ARID1B: variants seen among roughly 807,000 people sequenced by gnomAD.
The protein encoded by ARID1B is AT-rich interaction domain 1B, also known as AT-rich interactive domain-containing protein 1B.
A neutral mutation model predicts 212.3 loss-of-function variants in ARID1B; 30 were observed. That is an observed-to-expected ratio of 0.14 (90% confidence interval 0.11 to 0.19). The LOEUF (loss-of-function observed/expected upper bound fraction) is 0.19, where lower values mean the gene tolerates loss of function less well. Ranked by LOEUF, ARID1B falls within the 10% of genes least tolerant of loss-of-function variation. ARID1B has a pLI of 1.00. For synonymous variants in ARID1B, 1,402 were observed against 1,301.7 expected, an observed-to-expected ratio of 1.08 and a Z score of -1.66; for missense variants, 2,891 against 3,204.0, an observed-to-expected ratio of 0.90 and a Z score of 2.36.
intron 2 of ARID1B, among the ~76,000 whole-genome samples, chr6:156,862,013 G>A (rs970096643): frequency 2.6e-5 from 4 of 152,220 alleles, no homozygotes; most frequent in African/African-American, 9.6e-5. Flanking sequence ...GTAGGTGTCA[G>A]TATAGAGTTC....
At chr6:156,881,148 G>A (rs1056239508) in intron 2 of ARID1B, among the ~76,000 whole-genome samples, 2 of 152,162 alleles carry the variant, frequency 1.3e-5, no homozygotes, top group Non-Finnish European at 2.9e-5. Context: ...TTCTCCCTGG[G>A]TGGGGCCTGC....
chr6:157,101,271 A>G (rs978762648), intron 5 of ARID1B, among the ~76,000 whole-genome samples: 2 of 152,216 alleles, frequency 1.3e-5, no homozygotes, highest in Non-Finnish European at 2.9e-5. Flanking sequence ...AAAACCATGA[A>G]CTATGTATTG....
intron 4 of ARID1B, among the ~76,000 whole-genome samples, chr6:156,988,699 T>C (rs1038225065): frequency 6.6e-6 from 1 of 152,182 alleles, no homozygotes; most frequent in African/African-American, 2.4e-5. Flanking sequence ...GGTTTGCCTG[T>C]GTTTCAGGAG....
At chr6:157,097,570 T>C (rs1189630501) in intron 5 of ARID1B, among the ~76,000 whole-genome samples, 1 of 152,142 alleles carries the variant, frequency 6.6e-6, no homozygotes, top group Non-Finnish European at 1.5e-5. Flanking sequence ...CAACCACCCA[T>C]GTTTACAGGC....
chr6:157,180,550 G>A (rs954973987), intron 11 of ARID1B, among the ~76,000 whole-genome samples: 4 of 152,098 alleles, frequency 2.6e-5, no homozygotes, highest in Non-Finnish European at 5.9e-5. Flanking sequence ...AGGAAAAGTA[G>A]GAGTCCATTT....
intron 4 of ARID1B, chr6:157,022,673 C>T (rs1160046883): frequency 6.6e-6 from 1 of 152,192 alleles, no homozygotes; most frequent in Non-Finnish European, 1.5e-5. Context: ...TGGTTTTACA[C>T]TTTTTGTTCA....
chr6:156,790,663 T>TC (rs1779948375), intron 1 of ARID1B, among the ~76,000 whole-genome samples: 1 of 152,220 alleles, frequency 6.6e-6, no homozygotes, highest in Non-Finnish European at 1.5e-5. Flanking sequence ...ATCATCCCTT[T>TC]CCCCCCATCT....
At chr6:156,963,722 C>A (rs1444460732) in intron 4 of ARID1B, among the ~76,000 whole-genome samples, 1 of 152,032 alleles carries the variant, frequency 6.6e-6, no homozygotes, top group African/African-American at 2.4e-5. Context: ...TCAAATAAAT[C>A]TCCTGAAACC....
chr6:157,139,989 G>T (rs1789224712), intron 7 of ARID1B, among the ~76,000 whole-genome samples: 1 of 151,918 alleles, frequency 6.6e-6, no homozygotes, highest in Admixed American at 6.6e-5. Flanking sequence ...CTCCCAAAGT[G>T]CTGGGATTAC....
chr6:157,162,707 C>A (rs1011120929), intron 8 of ARID1B, among the ~76,000 whole-genome samples: 6 of 152,304 alleles, frequency 3.9e-5, no homozygotes, highest in Admixed American at 3.3e-4. Context: ...TTGAACATTG[C>A]CATTTAAGAG....
chr6:157,178,380 A>G lies in ARID1B; in HGVS notation c.3505-2589A>G, dbSNP rs374625491. Among the ~76,000 whole-genome samples, 87 of 152,302 alleles carry G rather than the reference A, an allele frequency of 5.7e-4. 2 individuals carry two copies. Among genetic ancestry groups the G allele is most frequent in the African/African-American group, 2.0e-3 (84 of 41,550 alleles). Reference sequence around the variant, plus strand: ...CTTGTGAAACTTAGGATCTAGTCGGAAAAGTGGGTGTCAGACAAATAGTTA... The same window carrying G: ...CTTGTGAAACTTAGGATCTAGTCGGGAAAGTGGGTGTCAGACAAATAGTTA... On this transcript the variant is annotated intron_variant, in intron 11 of 19. Transcript: ENST00000636930.
At chr6:156,961,262 A>C (rs1006295324) in intron 4 of ARID1B, among the ~76,000 whole-genome samples, 1 of 152,248 alleles carries the variant, frequency 6.6e-6, no homozygotes, top group African/African-American at 2.4e-5. Flanking sequence ...ACGTTTAGTC[A>C]GCTTTCTCTG....
chr6:156,950,903 A>G (rs973806208), intron 4 of ARID1B, among the ~76,000 whole-genome samples: 1 of 152,202 alleles, frequency 6.6e-6, no homozygotes, highest in African/African-American at 2.4e-5. Flanking sequence ...ATAAAAATGT[A>G]TGAAGTATAA....
chr6:156,903,078 T>G (rs287943), intron 3 of ARID1B, among the ~76,000 whole-genome samples: 79,367 of 151,942 alleles, frequency 0.52, 22,415 homozygotes, highest in African/African-American at 0.73. Context: ...ATTTGATTAA[T>G]GATTCTAAAT....
chr6:157,141,953 C>A (rs1231724717), intron 7 of ARID1B, among the ~76,000 whole-genome samples: 2 of 152,168 alleles, frequency 1.3e-5, no homozygotes, highest in Non-Finnish European at 2.9e-5. Flanking sequence ...TCCTACCACA[C>A]AAAGACCTGT....
In ARID1B at chr6:156,780,760, A is replaced by T. The variant is rs143498669; in HGVS notation, c.1791+1289A>T. Among the ~76,000 whole-genome samples the T allele has an allele frequency of 3.7e-4, 57 of 152,370 alleles. No homozygotes were observed. In the East Asian group the frequency reaches 0.01, roughly 27 times the overall value. ...ACAGAAAAACAGTTCGCTGGTGTCCAGTATTGGGCATTTACAAAATTCAGA... is the reference window on the plus strand; with the variant it reads ...ACAGAAAAACAGTTCGCTGGTGTCCTGTATTGGGCATTTACAAAATTCAGA... On this transcript the variant is annotated intron_variant, in intron 1 of 19. Coordinates refer to ENST00000636930, the MANE Select transcript of ARID1B (RefSeq NM_001374828.1).
At chr6:157,181,260 CAT>C in intron 12 of ARID1B, 82 bp downstream of exon 12, 1 of 1,489,662 alleles carries the variant, frequency 6.7e-7, no homozygotes, top group Non-Finnish European at 9.2e-7. Flanking sequence ...TGTGTGGACT[CAT>C]TTTTTTTCTC....
At chr6:156,992,085 T>C (rs563281395) in intron 4 of ARID1B, among the ~76,000 whole-genome samples, 2 of 152,316 alleles carry the variant, frequency 1.3e-5, no homozygotes, top group Non-Finnish European at 2.9e-5. Flanking sequence ...GTAGAAATAT[T>C]TTATGGAGAG....
chr6:157,140,937 T>A, intron 7 of ARID1B: 1 of 338,324 alleles, frequency 3.0e-6, no homozygotes, highest in Non-Finnish European at 5.3e-6. Flanking sequence ...CTTGCCTGTT[T>A]CCTGCCACCA....
Sources: gnomAD v4.1 joint callset for allele counts (sites outside exome capture counted in the v4.1 genomes callset) on GRCh38, gnomAD v4.1.1 for gene constraint, MANE v1.5 for transcripts, NCBI Gene and HGNC (gene_info 2026-07-23, HGNC 2026-07-21) for gene names.